Variants in HYCC1 observed in about 807,000 individuals in gnomAD.
The protein encoded by HYCC1 is hyccin PI4KA lipid kinase complex subunit 1.
chr7:22,971,285 T>C, the HYCC1 span, among the ~76,000 whole-genome samples: 2 of 148,222 alleles, frequency 1.3e-5, no homozygotes, highest in Non-Finnish European at 3.0e-5. Context: ...ATAATATATT[T>C]ATATATAAAT....
the HYCC1 span, among the ~76,000 whole-genome samples, chr7:22,995,368 TGAAGTCTAAATTCCTA>T: frequency 2.6e-5 from 4 of 152,276 alleles, no homozygotes; most frequent in Admixed American, 2.0e-4. Flanking sequence ...TTTTCTTACC[TGAAGTCTAAATTCCTA>T]GAAGTCTTAA....
chr7:23,012,718 C>T, the HYCC1 span, among the ~76,000 whole-genome samples: 1,505 of 152,214 alleles, frequency 9.9e-3, 16 homozygotes, highest in Middle Eastern at 0.024. Context: ...TTGGAAATGT[C>T]GGGGGAGGTG....
At chr7:22,970,122 T>A in the HYCC1 span, among the ~76,000 whole-genome samples, 1 of 152,148 alleles carries the variant, frequency 6.6e-6, no homozygotes, top group Non-Finnish European at 1.5e-5. Context: ...ACATGAAAGA[T>A]TTACAAAGGA....
the HYCC1 span, among the ~76,000 whole-genome samples, chr7:22,980,274 G>GT: frequency 0.042 from 6,167 of 146,222 alleles, 295 homozygotes; most frequent in African/African-American, 0.11. Context: ...ATTTTTTAAT[G>GT]TTTTTTTTTT....
At chr7:22,980,242 G>A in the HYCC1 span, among the ~76,000 whole-genome samples, 2 of 150,670 alleles carry the variant, frequency 1.3e-5, no homozygotes, top group African/African-American at 4.9e-5. Context: ...AGAACCTGCT[G>A]TGTTCCTGGT....
the HYCC1 span, chr7:22,977,423 T>TA: frequency 6.5e-7 from 1 of 1,527,728 alleles, no homozygotes; most frequent in Admixed American, 1.7e-5. Context: ...AACTATTTCC[T>TA]ATAGAAGTGA....
chr7:22,994,326 C>A, the HYCC1 span, among the ~76,000 whole-genome samples: 1 of 152,078 alleles, frequency 6.6e-6, no homozygotes, highest in East Asian at 1.9e-4. Context: ...AAACAGAGTA[C>A]ATACTATATA....
At chr7:22,970,653 T>A in the HYCC1 span, among the ~76,000 whole-genome samples, 1 of 152,240 alleles carries the variant, frequency 6.6e-6, no homozygotes. Flanking sequence ...GTCCTATCCC[T>A]CTGCATCATT....
chr7:23,005,701 T>C, the HYCC1 span, among the ~76,000 whole-genome samples: 4 of 152,346 alleles, frequency 2.6e-5, no homozygotes, highest in East Asian at 5.8e-4. Context: ...TTCTCTATGG[T>C]GGTTGTTCTT....
At chr7:22,960,074 AG>A in the HYCC1 span, among the ~76,000 whole-genome samples, 1 of 152,192 alleles carries the variant, frequency 6.6e-6, no homozygotes, top group Admixed American at 6.5e-5. Context: ...GTGTAACATA[AG>A]GGGCTCCATT....
chr7:22,993,720 G>A, the HYCC1 span, among the ~76,000 whole-genome samples: 4 of 151,350 alleles, frequency 2.6e-5, no homozygotes, highest in East Asian at 5.8e-4. Flanking sequence ...ACACACACAC[G>A]TACGCATGTG....
chr7:22,947,894 T>C, the HYCC1 span, among the ~76,000 whole-genome samples: 1 of 152,148 alleles, frequency 6.6e-6, no homozygotes, highest in Non-Finnish European at 1.5e-5. Flanking sequence ...TTAATGTGGC[T>C]GTGATATAGT....
At chr7:22,967,198 G>A in the HYCC1 span, among the ~76,000 whole-genome samples, 1 of 152,210 alleles carries the variant, frequency 6.6e-6, no homozygotes, top group Admixed American at 6.5e-5. Flanking sequence ...CATGGAGACT[G>A]TGTAGTAAGC....
chr7:22,946,765 AT>A, the HYCC1 span, among the ~76,000 whole-genome samples: 2 of 152,112 alleles, frequency 1.3e-5, no homozygotes, highest in African/African-American at 4.8e-5. Context: ...TTTAGAAGGA[AT>A]TTTCTGCCTC....
At chr7:22,977,906 T>C in the HYCC1 span, among the ~76,000 whole-genome samples, 1 of 152,184 alleles carries the variant, frequency 6.6e-6, no homozygotes, top group African/African-American at 2.4e-5. Context: ...CTATGATTGG[T>C]GAATATTAGA....
chr7:22,968,500 T>C, the HYCC1 span, among the ~76,000 whole-genome samples: 2 of 152,166 alleles, frequency 1.3e-5, no homozygotes, highest in Admixed American at 6.5e-5. Flanking sequence ...GAAATAAATA[T>C]CTACTTTAAG....
chr7:22,993,689 C>T, the HYCC1 span, among the ~76,000 whole-genome samples: 1 of 151,858 alleles, frequency 6.6e-6, no homozygotes, highest in South Asian at 2.1e-4. Context: ...CATACAAACA[C>T]ACACACACAC....
the HYCC1 span, among the ~76,000 whole-genome samples, chr7:22,911,627 G>A: frequency 1.4e-3 from 213 of 152,214 alleles, no homozygotes; most frequent in African/African-American, 4.7e-3. Context: ...GCGTGGTGGC[G>A]CACACCTGTA....
the HYCC1 span, among the ~76,000 whole-genome samples, chr7:22,946,713 G>A: frequency 3.3e-5 from 5 of 151,922 alleles, no homozygotes; most frequent in East Asian, 1.9e-4. Context: ...AGACAAAGCC[G>A]AAAAAGTAAT....
Sources: gnomAD v4.1 joint callset for allele counts (sites outside exome capture counted in the v4.1 genomes callset) on GRCh38, gnomAD v4.1.1 for gene constraint, MANE v1.5 for transcripts, NCBI Gene and HGNC (gene_info 2026-07-23, HGNC 2026-07-21) for gene names.